Variants in A1CF observed in about 807,000 individuals in gnomAD.
A1CF encodes the protein APOBEC1 complementation factor.
A neutral mutation model predicts 68.9 loss-of-function variants in A1CF; 48 were observed. The observed-to-expected ratio is 0.70, with a 90% CI of 0.55 to 0.89. The LOEUF is 0.89. Among genes scored for constraint, A1CF ranks in the 40% least tolerant of loss-of-function variants. A1CF has a pLI of 0.00. For missense variants in A1CF, 653 were observed against 718.9 expected, an observed-to-expected ratio of 0.91 and a Z score of 1.05; for synonymous variants, 272 against 260.4, an observed-to-expected ratio of 1.04 and a Z score of -0.43.
chr10:50,804,346 C>T lies in A1CF; in HGVS notation c.*2383G>A, dbSNP rs1837729899. 1 of 152,138 alleles carries T rather than the reference C, an allele frequency of 6.6e-6. No homozygotes were observed. Among genetic ancestry groups the T allele is most frequent in the Non-Finnish European group, 1.5e-5 (1 of 67,992 alleles). The allele number at this position is 152,138 out of a possible 1,614,324, so 9.4% of individuals were successfully genotyped here. On this transcript the variant is annotated 3_prime_UTR_variant, in exon 13 of 13. Transcript: ENST00000373997. ...TCTCATAAAAAGATTCATGTATTAA[C>T]TAATCTTTTCATTGCGATTAAATTT...
chr10:50,855,095 T>C (rs566068723), intron 3 of A1CF, among the ~76,000 whole-genome samples: 1 of 152,068 alleles, frequency 6.6e-6, no homozygotes, highest in East Asian at 1.9e-4. Flanking sequence ...TGTATATTTT[T>C]CTGAATATGC....
At chr10:50,821,669 G>C (rs1838682548) in intron 7 of A1CF, among the ~76,000 whole-genome samples, 1 of 151,906 alleles carries the variant, frequency 6.6e-6, no homozygotes, top group Admixed American at 6.6e-5. Context: ...CCGAGTAGCT[G>C]GGATTACAGG....
intron 1 of A1CF, among the ~76,000 whole-genome samples, chr10:50,884,716 T>C (rs7084643): frequency 0.96 from 146,299 of 152,312 alleles, 70,524 homozygotes; most frequent in East Asian, 1. Context: ...TAAATAAAAT[T>C]GTTTAGTTTG....
intron 9 of A1CF, among the ~76,000 whole-genome samples, chr10:50,814,774 A>T (rs187279453): frequency 6.6e-6 from 1 of 152,080 alleles, no homozygotes; most frequent in Admixed American, 6.5e-5. Flanking sequence ...TTTCCCTTAT[A>T]GTGGAGTTTG....
Position 50,880,455 on chromosome 10 carries a change from G to A in A1CF, c.-94+5126C>T, listed in dbSNP as rs527271228. ...TATTAACATCATTGTTATCATCATC[G>A]TAGGGTGCCAATTATAATTAGTTGG... On this transcript the variant is annotated intron_variant, in intron 1 of 12. Coordinates refer to ENST00000373997, the MANE Select transcript of A1CF (RefSeq NM_014576.4). Among the ~76,000 whole-genome samples the A allele has an allele frequency of 3.8e-4, 58 of 152,280 alleles. No homozygotes were observed. In the South Asian group the frequency reaches 0.012, roughly 30 times the overall value.
rs1837582024 is a variant in A1CF, at chr10:50,801,070, GC to G, written c.*5658del. 1 of 152,244 alleles carries G rather than the reference GC, an allele frequency of 6.6e-6. No individual in the cohort carries two copies. Among genetic ancestry groups the G allele is most frequent in the South Asian group, 2.1e-4 (1 of 4,816 alleles). 9.4% of individuals were successfully genotyped at this position (152,244 alleles called of 1,614,324 possible). A position where few individuals can be genotyped will look rare whatever the true frequency, so the allele number is the denominator to read the frequency against. On this transcript the variant is annotated 3_prime_UTR_variant, in exon 13 of 13. Transcript: ENST00000373997. ...GTCCCCAAGAGCTATCTTTTGTCTT[GC>G]CCCACCACCTAACCTGGCATAATAA...
At chr10:50,872,780 T>C (rs529811713) in intron 1 of A1CF, among the ~76,000 whole-genome samples, 60 of 152,152 alleles carry the variant, frequency 3.9e-4, no homozygotes, top group African/African-American at 1.3e-3. Flanking sequence ...ATTGATCCCC[T>C]GTGGATATGG....
In A1CF at chr10:50,863,417, A is replaced by G. The variant is rs1348402110; in HGVS notation, c.-46+616T>C. 3.3e-5 allele frequency among the ~76,000 whole-genome samples: 5 copies of G among 152,366 alleles called. No homozygotes were observed. In the East Asian group the frequency reaches 9.6e-4, roughly 29 times the overall value. ...ATTATGAAAGAATAGTTCTTAAAGTATCTTATTGAAGCAATAGAATTTAAA... is the reference window on the plus strand; with the variant it reads ...ATTATGAAAGAATAGTTCTTAAAGTGTCTTATTGAAGCAATAGAATTTAAA... On this transcript the variant is annotated intron_variant, in intron 2 of 12. Transcript: ENST00000373997.
chr10:50,841,763 C>CA, intron 5 of A1CF, 99 bp downstream of exon 5: 1 of 1,403,330 alleles, frequency 7.1e-7, no homozygotes, highest in South Asian at 1.3e-5. Context: ...TCTGGCTTGG[C>CA]TTTTTTTTTG....
intron 3 of A1CF, among the ~76,000 whole-genome samples, chr10:50,855,333 C>A (rs571687665): frequency 1.3e-5 from 2 of 151,960 alleles, no homozygotes; most frequent in Non-Finnish European, 2.9e-5. Context: ...CACATAATTC[C>A]ATTACACAGA....
At position 50,829,744 on chromosome 10, in the gene A1CF, C is replaced by T. The variant is rs78236979; in HGVS notation, c.605-1449G>A. On this transcript the variant is annotated intron_variant, in intron 6 of 12. Transcript: ENST00000373997. ...ATTATTCCAAGATCCCCAAGGCTCC[C>T]ACATAATTCTGGCTTTGGTAGCTCA... 3.3e-3 allele frequency among the ~76,000 whole-genome samples: 504 copies of T among 152,252 alleles called. 2 individuals carry two copies. Among genetic ancestry groups the T allele is most frequent in the Non-Finnish European group, 6.4e-3 (436 of 68,012 alleles).
chr10:50,814,585 C>T (rs560810383), intron 9 of A1CF, among the ~76,000 whole-genome samples: 11 of 152,264 alleles, frequency 7.2e-5, no homozygotes, highest in Non-Finnish European at 1.3e-4. Flanking sequence ...CTCTGATGTT[C>T]GGTCAATGTG....
In A1CF at chr10:50,834,755, T is replaced by C. The variant is rs149864279; in HGVS notation, c.604+1319A>G. 2.0e-4 allele frequency among the ~76,000 whole-genome samples: 31 copies of C among 152,264 alleles called. No homozygotes were observed. In the East Asian group the frequency reaches 6.0e-3, roughly 29 times the overall value. On this transcript the variant is annotated intron_variant, in intron 6 of 12. Coordinates refer to ENST00000373997, the MANE Select transcript of A1CF (RefSeq NM_014576.4). ...ATTAATCTGGTGGTAATGTTCAGGA[T>C]GGAGAAGTCGGAGGGTGGGGCACAT...
chr10:50,822,465 G>A (rs558933634), intron 7 of A1CF, among the ~76,000 whole-genome samples: 2 of 152,196 alleles, frequency 1.3e-5, no homozygotes, highest in Admixed American at 1.3e-4. Flanking sequence ...TTAGATTCAA[G>A]GTAACAAAGG....
chr10:50,806,328 A>G lies in A1CF; in HGVS notation c.*401T>C, dbSNP rs1837816238. 1 of 153,014 alleles carries G rather than the reference A, an allele frequency of 6.5e-6. No individual in the cohort carries two copies. The highest frequency in any genetic ancestry group is 2.4e-5 in the African/African-American group (1 of 41,476). 9.5% of individuals were successfully genotyped at this position (153,014 alleles called of 1,614,324 possible). A position where few individuals can be genotyped will look rare whatever the true frequency, so the allele number is the denominator to read the frequency against. ...TGTATCACAAAAGCAGCTGTGAGCC[A>G]GAGGTAAGACTCTGGAGTTTACTTG... On this transcript the variant is annotated 3_prime_UTR_variant, in exon 13 of 13. Transcript: ENST00000373997.
intron 1 of A1CF, among the ~76,000 whole-genome samples, chr10:50,878,004 C>G (rs1034799218): frequency 7.2e-5 from 11 of 152,180 alleles, no homozygotes; most frequent in African/African-American, 2.7e-4. Context: ...TGCTTGTAGT[C>G]CCAGCTACTC....
chr10:50,816,014 G>T lies in A1CF; in HGVS notation c.1133C>A (p.Ser378Tyr). 1 of 1,613,592 alleles carries T rather than the reference G, an allele frequency of 6.2e-7. No homozygotes were observed. ...GATCTGACTGGTGTTACCTCTAACA[G>T]AAGGGGCTCGGATAATGGCTCTGTT... is the stretch of plus-strand genomic sequence containing the variant. ...LSNRAIIRAPSVRGAAGVRGL... is the reference protein window; with the variant it reads ...LSNRAIIRAPYVRGAAGVRGL... The change falls in exon 9 of 13, where the codon TCT becomes TAT. Residue 378 changes from serine to tyrosine, a missense_variant. Transcript: ENST00000373997.
chr10:50,881,185 C>T (rs1020342553), intron 1 of A1CF, among the ~76,000 whole-genome samples: 6 of 152,036 alleles, frequency 3.9e-5, no homozygotes, highest in Non-Finnish European at 7.4e-5. Context: ...GGTGGGGTTT[C>T]GTCATGTTAG....
intron 11 of A1CF, 21 bp from the exon 12 acceptor site, chr10:50,810,063 G>C (rs1467721606): frequency 7.4e-6 from 12 of 1,613,228 alleles, no homozygotes; most frequent in African/African-American, 2.7e-5. Context: ...AGTCAGTCAG[G>C]GTAGGCATTT....
Sources: gnomAD v4.1 joint callset for allele counts (sites outside exome capture counted in the v4.1 genomes callset) on GRCh38, gnomAD v4.1.1 for gene constraint, MANE v1.5 for transcripts, NCBI Gene and HGNC (gene_info 2026-07-23, HGNC 2026-07-21) for gene names.